Variants in PRDM5 observed in about 807,000 individuals in gnomAD.
The protein encoded by PRDM5 is PR domain zinc finger protein 5.
PRDM5 carries 56 observed loss-of-function variants against 81.2 expected under a neutral mutation model. The observed-to-expected ratio is 0.69, with a 90% CI of 0.56 to 0.86. The LOEUF (loss-of-function observed/expected upper bound fraction) is 0.86, where lower values mean the gene tolerates loss of function less well. PRDM5 is among the 40% of genes least tolerant of loss of function. The pLI is 0.00. For missense variants in PRDM5, 697 were observed against 770.1 expected (o/e 0.91, Z 1.12); for synonymous variants, 267 against 256.4 (o/e 1.04, Z -0.39).
intron 1 of PRDM5, among the ~76,000 whole-genome samples, chr4:120,686,587 T>C (rs1733842014): frequency 6.6e-6 from 1 of 152,016 alleles, no homozygotes; most frequent in Non-Finnish European, 1.5e-5. Flanking sequence ...TAGCTAAAGG[T>C]GTAATTTTCA....
At chr4:120,727,752 A>C (rs1395893905) in intron 14 of PRDM5, among the ~76,000 whole-genome samples, 1 of 152,040 alleles carries the variant, frequency 6.6e-6, no homozygotes, top group Non-Finnish European at 1.5e-5. Context: ...CCTGGCCAAC[A>C]CGGTGAAACC....
chr4:120,841,906 G>T (rs943039837), intron 3 of PRDM5, among the ~76,000 whole-genome samples: 1 of 152,106 alleles, frequency 6.6e-6, no homozygotes, highest in African/African-American at 2.4e-5. Context: ...ATATAGCCCA[G>T]TTCCAGTATA....
intron 15 of PRDM5, among the ~76,000 whole-genome samples, chr4:120,709,643 A>G (rs944386475): frequency 7.2e-5 from 11 of 152,152 alleles, no homozygotes; most frequent in African/African-American, 2.4e-4. Context: ...TTTTTCTTAC[A>G]TTGATTCCCT....
intron 15 of PRDM5, among the ~76,000 whole-genome samples, chr4:120,696,044 T>C (rs1329191169): frequency 2.6e-5 from 4 of 151,946 alleles, no homozygotes; most frequent in Admixed American, 1.3e-4. Flanking sequence ...GGGAAAACCT[T>C]ACACTGAAAC....
intron 8 of PRDM5, among the ~76,000 whole-genome samples, chr4:120,805,126 A>G (rs930642088): frequency 2.6e-5 from 4 of 152,202 alleles, no homozygotes; most frequent in African/African-American, 9.7e-5. Context: ...TCCTCGACAC[A>G]TACACCCTCC....
intron 3 of PRDM5, among the ~76,000 whole-genome samples, chr4:120,852,726 C>T (rs1030425587): frequency 6.7e-5 from 10 of 150,272 alleles, no homozygotes; most frequent in Non-Finnish European, 1.5e-4. Flanking sequence ...TATACAAATA[C>T]ATATATACAC....
chr4:120,742,649 C>T (rs959772840), intron 14 of PRDM5, among the ~76,000 whole-genome samples: 8 of 151,974 alleles, frequency 5.3e-5, no homozygotes, highest in Admixed American at 1.3e-4. Context: ...CCTCAGGAGC[C>T]GAAGCGATCA....
intron 14 of PRDM5, among the ~76,000 whole-genome samples, chr4:120,725,487 T>C (rs972047782): frequency 2.0e-5 from 3 of 152,210 alleles, no homozygotes; most frequent in African/African-American, 7.2e-5. Context: ...CTTTTTTTCC[T>C]AATAGGCCTT....
At chr4:120,869,093 T>A (rs1761517317) in intron 2 of PRDM5, among the ~76,000 whole-genome samples, 1 of 152,130 alleles carries the variant, frequency 6.6e-6, no homozygotes, top group Non-Finnish European at 1.5e-5. Context: ...CCTGACAGAT[T>A]TTTTTTAAAA....
At chr4:120,846,541 C>T (rs969538304) in intron 3 of PRDM5, among the ~76,000 whole-genome samples, 1 of 152,196 alleles carries the variant, frequency 6.6e-6, no homozygotes, top group African/African-American at 2.4e-5. Context: ...TGCTACTGCA[C>T]ACTTAATAGA....
intron 10 of PRDM5, among the ~76,000 whole-genome samples, chr4:120,787,086 T>C (rs931684490): frequency 1.3e-5 from 2 of 152,068 alleles, no homozygotes; most frequent in African/African-American, 4.8e-5. Context: ...ATAAATGTGA[T>C]GGAGAAAAAT....
intron 2 of PRDM5, among the ~76,000 whole-genome samples, chr4:120,868,568 G>T (rs1234707897): frequency 3.9e-5 from 6 of 152,144 alleles, no homozygotes; most frequent in African/African-American, 1.4e-4. Flanking sequence ...CCTCCAGAGA[G>T]ATGATACAAA....
At chr4:120,741,203 C>A (rs1200978122) in intron 14 of PRDM5, among the ~76,000 whole-genome samples, 1 of 152,110 alleles carries the variant, frequency 6.6e-6, no homozygotes, top group African/African-American at 2.4e-5. Context: ...TGTTCTCAAC[C>A]AACGCTGCAT....
At chr4:120,691,334 C>T (rs144843252), downstream of PRDM5, among the ~76,000 whole-genome samples, 818 of 152,152 alleles carry the variant, frequency 5.4e-3, 6 homozygotes, top group African/African-American at 0.019. Flanking sequence ...CCCAAGCTAG[C>T]TAAGGCTATG....
intron 7 of PRDM5, chr4:120,816,040 T>C (rs777758367): frequency 4.6e-5 from 10 of 219,320 alleles, no homozygotes; most frequent in Admixed American, 1.1e-4. Context: ...TTAGGAGAAC[T>C]GTATTTTCAC....
chr4:120,832,395 T>C lies in PRDM5; in HGVS notation c.301-11050A>G, dbSNP rs566924426. On this transcript the variant is annotated intron_variant, in intron 3 of 15. Transcript: ENST00000264808. ...TCTACCTGATTCCTCCCACAGCACA[T>C]GAGGATTATGGGAACTACAATTCAA... is the stretch of plus-strand genomic sequence containing the variant. 1.0e-3 allele frequency among the ~76,000 whole-genome samples: 156 copies of C among 152,242 alleles called. 1 individual carries two copies. Among genetic ancestry groups the C allele is most frequent in the Non-Finnish European group, 1.8e-3 (124 of 67,982 alleles).
intron 1 of PRDM5, among the ~76,000 whole-genome samples, chr4:120,686,713 T>A (rs1288672480): frequency 2.6e-5 from 4 of 152,072 alleles, no homozygotes; most frequent in Non-Finnish European, 1.5e-5. Flanking sequence ...AATTCAAAGT[T>A]GGTAATAATT....
intron 3 of PRDM5, among the ~76,000 whole-genome samples, chr4:120,835,056 G>C (rs1757175402): frequency 6.6e-6 from 1 of 152,148 alleles, no homozygotes; most frequent in Non-Finnish European, 1.5e-5. Flanking sequence ...AAGTAGTTCT[G>C]ATAAAGATAA....
intron 2 of PRDM5, among the ~76,000 whole-genome samples, chr4:120,903,825 C>A (rs1380296391): frequency 6.6e-6 from 1 of 152,164 alleles, no homozygotes; most frequent in Non-Finnish European, 1.5e-5. Context: ...GTAAAACATG[C>A]CTCTGCTTCT....
Sources: gnomAD v4.1 joint callset for allele counts (sites outside exome capture counted in the v4.1 genomes callset) on GRCh38, gnomAD v4.1.1 for gene constraint, MANE v1.5 for transcripts, NCBI Gene and HGNC (gene_info 2026-07-23, HGNC 2026-07-21) for gene names.